The following VCF1 variants were observed in gnomAD, a reference collection of about 807,000 sequenced individuals.
The protein encoded by VCF1 is VCP nuclear cofactor family member 1, also known as protein VCF1.
chr17:73,221,726 C>CA, the VCF1 span, among the ~76,000 whole-genome samples: 2 of 151,728 alleles, frequency 1.3e-5, no homozygotes, highest in Non-Finnish European at 2.9e-5. Flanking sequence ...CCCATCTCCA[C>CA]AAAAAAAATT....
chr17:73,208,321 C>T, the VCF1 span: 51 of 1,613,528 alleles, frequency 3.2e-5, no homozygotes, highest in Admixed American at 8.3e-4. Flanking sequence ...CAGGTTGTCC[C>T]CCCGGCACGC....
At chr17:73,220,205 G>A in the VCF1 span, among the ~76,000 whole-genome samples, 125 of 152,178 alleles carry the variant, frequency 8.2e-4, 2 homozygotes, top group Middle Eastern at 0.02. Flanking sequence ...ATTGTCATAT[G>A]AATTCACATT....
At chr17:73,209,142 T>TA in the VCF1 span, 12 of 222,214 alleles carry the variant, frequency 5.4e-5, no homozygotes, top group East Asian at 2.4e-4. Flanking sequence ...GTTTATTGAA[T>TA]AAAAAAAATT....
At chr17:73,207,640 T>C in the VCF1 span, 1 of 1,235,454 alleles carries the variant, frequency 8.1e-7, no homozygotes, top group South Asian at 1.3e-5. Context: ...GGGTGGGAAG[T>C]AACAGAAAAT....
the VCF1 span, chr17:73,207,432 G>A: frequency 1.3e-5 from 10 of 744,150 alleles, no homozygotes; most frequent in African/African-American, 1.4e-4. Context: ...TGAGCTACTA[G>A]AAGGTGTAAA....
At chr17:73,210,283 A>T in the VCF1 span, among the ~76,000 whole-genome samples, 1 of 152,176 alleles carries the variant, frequency 6.6e-6, no homozygotes, top group African/African-American at 2.4e-5. Context: ...GGTATTCTGT[A>T]ACTGCAGGAC....
chr17:73,228,273 T>C, the VCF1 span, among the ~76,000 whole-genome samples: 4 of 152,252 alleles, frequency 2.6e-5, no homozygotes, highest in Non-Finnish European at 5.9e-5. Context: ...CAGCTTTCTA[T>C]AGTTAAGAGA....
At chr17:73,216,043 G>A in the VCF1 span, among the ~76,000 whole-genome samples, 1 of 152,174 alleles carries the variant, frequency 6.6e-6, no homozygotes, top group African/African-American at 2.4e-5. Flanking sequence ...CATGAGGGCT[G>A]CAGGAACAGG....
At chr17:73,207,411 T>C in the VCF1 span, 2 of 781,556 alleles carry the variant, frequency 2.6e-6, no homozygotes, top group African/African-American at 1.7e-5. Flanking sequence ...AAGTACAAGG[T>C]TTTACTAGCT....
the VCF1 span, among the ~76,000 whole-genome samples, chr17:73,210,281 G>C: frequency 1.3e-5 from 2 of 152,286 alleles, no homozygotes; most frequent in Admixed American, 1.3e-4. Flanking sequence ...ATGGTATTCT[G>C]TAACTGCAGG....
the VCF1 span, among the ~76,000 whole-genome samples, chr17:73,216,537 G>A: frequency 1.3e-5 from 2 of 152,028 alleles, no homozygotes; most frequent in South Asian, 4.2e-4. Context: ...GCAGAGAGGA[G>A]GTGAGTGGGG....
chr17:73,213,233 A>AAT, the VCF1 span, among the ~76,000 whole-genome samples: 1 of 150,128 alleles, frequency 6.7e-6, no homozygotes, highest in African/African-American at 2.5e-5. Context: ...ACAAAGCAAG[A>AAT]CTGTCTCAAA....
the VCF1 span, among the ~76,000 whole-genome samples, chr17:73,221,762 G>A: frequency 3.2e-3 from 484 of 151,950 alleles, 1 homozygote; most frequent in South Asian, 0.011. Flanking sequence ...TGGGCCGGGC[G>A]CGGTGGCTCA....
At chr17:73,213,908 T>C in the VCF1 span, among the ~76,000 whole-genome samples, 9 of 152,114 alleles carry the variant, frequency 5.9e-5, no homozygotes, top group Admixed American at 5.9e-4. Flanking sequence ...AGGCAGAGGT[T>C]GTACTGAGCC....
At chr17:73,224,885 CACAGG>C in the VCF1 span, among the ~76,000 whole-genome samples, 1,097 of 125,158 alleles carry the variant, frequency 8.8e-3, 18 homozygotes, top group African/African-American at 0.016. Flanking sequence ...GACAGCACAG[CACAGG>C]ACAGGACAGG....
chr17:73,207,387 G>T, the VCF1 span: 1 of 891,242 alleles, frequency 1.1e-6, no homozygotes. Flanking sequence ...GCTTTTAATG[G>T]CGGCGCAATA....
At chr17:73,225,832 T>C in the VCF1 span, among the ~76,000 whole-genome samples, 1 of 147,930 alleles carries the variant, frequency 6.8e-6, no homozygotes, top group Non-Finnish European at 1.5e-5. Context: ...GATAATCATT[T>C]TTTAAAAAGA....
At chr17:73,218,174 C>CA in the VCF1 span, among the ~76,000 whole-genome samples, 2 of 152,140 alleles carry the variant, frequency 1.3e-5, no homozygotes, top group African/African-American at 4.8e-5. Flanking sequence ...GGATTAAATG[C>CA]AAGAGATGAT....
At chr17:73,230,606 A>C in the VCF1 span, among the ~76,000 whole-genome samples, 6 of 152,270 alleles carry the variant, frequency 3.9e-5, no homozygotes, top group East Asian at 1.2e-3. Flanking sequence ...CATGTTGGCC[A>C]GAGTGATCTC....
Sources: allele counts gnomAD v4.1 joint callset (sites outside exome capture counted in the v4.1 genomes callset), GRCh38; gene constraint gnomAD v4.1.1; transcripts MANE v1.5; gene names NCBI Gene and HGNC (gene_info 2026-07-23, HGNC 2026-07-21).